The following OGFRL1 variants were observed in gnomAD, a reference collection of about 807,000 sequenced individuals.
The protein encoded by OGFRL1 is opioid growth factor receptor like 1.
A neutral mutation model predicts 32.4 loss-of-function variants in OGFRL1; 26 were observed. The ratio of observed to expected loss-of-function variants is 0.80; its 90% CI spans 0.59 to 1.11. The LOEUF is 1.11. OGFRL1 is among the 50% of genes most tolerant of loss of function. The pLI is 0.00. For missense variants in OGFRL1, 521 were observed against 546.4 expected, an observed-to-expected ratio of 0.95 and a Z score of 0.46; for synonymous variants, 211 against 201.2, an observed-to-expected ratio of 1.05 and a Z score of -0.41.
rs181850760 is a variant in OGFRL1, at chr6:71,304,627, T to A, written c.*2578T>A. 6.6e-6 allele frequency: 1 copy of A among 152,198 alleles called. No homozygotes were observed. The highest frequency in any genetic ancestry group is 6.5e-5 in the Admixed American group (1 of 15,284). The allele number at this position is 152,198 out of a possible 1,614,324, so 9.4% of individuals were successfully genotyped here. A position where few individuals can be genotyped will look rare whatever the true frequency, so the allele number is the denominator to read the frequency against. ...TAGAAATTGTATATTAGAGCCCTTA[T>A]GAGTAAAAACATTTCATTTAGCAAC... On this transcript the variant is annotated 3_prime_UTR_variant, in exon 7 of 7. Transcript: ENST00000370435.
rs1041493510 is a variant in OGFRL1, at chr6:71,305,087, T to C, written c.*3038T>C. ...TGAGAAGCTGTTATAAAAAATGCAGTGAAGCATGACCAAATAGCTAAAAAT... is the reference window on the plus strand; with the variant it reads ...TGAGAAGCTGTTATAAAAAATGCAGCGAAGCATGACCAAATAGCTAAAAAT... On this transcript the variant is annotated 3_prime_UTR_variant, in exon 7 of 7. Transcript: ENST00000370435. The C allele has an allele frequency of 1.3e-5, 2 of 152,082 alleles. No individual in the cohort carries two copies. Among genetic ancestry groups the C allele is most frequent in the Non-Finnish European group, 2.9e-5 (2 of 67,916 alleles). 9.4% of individuals were successfully genotyped at this position (152,082 alleles called of 1,614,324 possible). A position where few individuals can be genotyped will look rare whatever the true frequency, so the allele number is the denominator to read the frequency against.
At position 71,305,324 on chromosome 6, in the gene OGFRL1, T is replaced by G. The variant is rs545903018; in HGVS notation, c.*3275T>G. 2.0e-4 allele frequency: 31 copies of G among 152,168 alleles called. No individual in the cohort carries two copies. Among genetic ancestry groups the G allele is most frequent in the African/African-American group, 7.2e-4 (30 of 41,572 alleles). The allele number at this position is 152,168 out of a possible 1,614,324, so 9.4% of individuals were successfully genotyped here. A position where few individuals can be genotyped will look rare whatever the true frequency, so the allele number is the denominator to read the frequency against. On this transcript the variant is annotated 3_prime_UTR_variant, in exon 7 of 7. Coordinates refer to ENST00000370435, the MANE Select transcript of OGFRL1 (RefSeq NM_024576.5). ...TTTTTAAATACTGTAAAGTGACATA[T>G]AGTTATAAGATATATTTCTGTACAG...
At chr6:71,293,833 A>G (rs1318312084) in intron 3 of OGFRL1, among the ~76,000 whole-genome samples, 2 of 152,148 alleles carry the variant, frequency 1.3e-5, no homozygotes, top group African/African-American at 4.8e-5. Flanking sequence ...ACAGGAAGAG[A>G]GAGGAGATGT....
intron 1 of OGFRL1, chr6:71,289,548 T>TAAAAAAAAAAAAAAAA (rs1158690810): frequency 2.6e-5 from 14 of 541,854 alleles, no homozygotes; most frequent in Admixed American, 2.3e-4. Flanking sequence ...GTGTTATTGG[T>TAAAAAAAAAAAAAAAA]AAAAAAAAAA....
Position 71,302,361 on chromosome 6 carries a change from G to A in OGFRL1, c.*312G>A, listed in dbSNP as rs9364153. On this transcript the variant is annotated 3_prime_UTR_variant, in exon 7 of 7. Coordinates refer to ENST00000370435, the MANE Select transcript of OGFRL1 (RefSeq NM_024576.5). ...TCTAGAAATTACCATGTAGTATTTG[G>A]TATACAAAATACATTCTTTTGAGAC... is the stretch of plus-strand genomic sequence containing the variant. The A allele has an allele frequency of 0.14, 27,581 of 193,766 alleles. 2,603 individuals carry two copies. Among genetic ancestry groups the A allele is most frequent in the African/African-American group, 0.26 (11,068 of 43,088 alleles). The allele number at this position is 193,766 out of a possible 1,614,324, so 12.0% of individuals were successfully genotyped here.
In OGFRL1 at chr6:71,306,571, G is replaced by A. The variant is rs1002707310; in HGVS notation, c.*4522G>A. ...CATCATTGGGAACTTTCTAAACCAT[G>A]AATATCAGTTCTTTTAATGAAATTT... On this transcript the variant is annotated 3_prime_UTR_variant, in exon 7 of 7. Coordinates refer to ENST00000370435, the MANE Select transcript of OGFRL1 (RefSeq NM_024576.5). 6.6e-6 allele frequency: 1 copy of A among 152,128 alleles called. No homozygotes were observed. Among genetic ancestry groups the A allele is most frequent in the East Asian group, 1.9e-4 (1 of 5,188 alleles). 9.4% of individuals were successfully genotyped at this position (152,128 alleles called of 1,614,324 possible). A position where few individuals can be genotyped will look rare whatever the true frequency, so the allele number is the denominator to read the frequency against.
rs1051122846 is a variant in OGFRL1, at chr6:71,301,249, T to C, written c.693-137T>C. On this transcript the variant is annotated intron_variant, in intron 6 of 6. Transcript: ENST00000370435. ...CTGGTTTATTCTTAATGGTATCAAA[T>C]ATGGCATTAGGAAGTCATTACACAG... The C allele has an allele frequency of 7.0e-6, 5 of 713,934 alleles. No individual in the cohort carries two copies. In the Admixed American group the frequency reaches 1.0e-4, roughly 15 times the overall value. 44.2% of individuals were successfully genotyped at this position (713,934 alleles called of 1,614,324 possible).
Position 71,304,642 on chromosome 6 carries a change from C to A in OGFRL1, c.*2593C>A, listed in dbSNP as rs775182042. 6.6e-6 allele frequency: 1 copy of A among 152,010 alleles called. No individual in the cohort carries two copies. The highest frequency in any genetic ancestry group is 1.5e-5 in the Non-Finnish European group (1 of 67,918). The allele number at this position is 152,010 out of a possible 1,614,324, so 9.4% of individuals were successfully genotyped here. On this transcript the variant is annotated 3_prime_UTR_variant, in exon 7 of 7. Coordinates refer to ENST00000370435, the MANE Select transcript of OGFRL1 (RefSeq NM_024576.5). ...AGAGCCCTTATGAGTAAAAACATTT[C>A]ATTTAGCAACTTAACTTTTAGAATA...
At chr6:71,294,704 T>C (rs1049798124) in intron 3 of OGFRL1, among the ~76,000 whole-genome samples, 8 of 152,244 alleles carry the variant, frequency 5.3e-5, no homozygotes, top group African/African-American at 1.9e-4. Context: ...TGCACAGTTA[T>C]ATTTACTAAT....
chr6:71,301,481 T>G lies in OGFRL1; in HGVS notation c.788T>G (p.Leu263Arg). The change falls in exon 7 of 7, where the codon CTT (leucine) becomes CGT (arginine). Residue 263 changes from leucine to arginine, a missense_variant. Coordinates refer to ENST00000370435, the MANE Select transcript of OGFRL1 (RefSeq NM_024576.5). The part of the protein sequence containing the change: ...SFKSPLVKFI[L>R]HEALVENTIP... ...AAATCTCCTCTTGTAAAATTTATTC[T>G]TCATGAAGCTCTTGTGGAGAATACT... 1.2e-6 allele frequency: 2 copies of G among 1,613,232 alleles called. No individual in the cohort carries two copies. The highest frequency in any genetic ancestry group is 1.7e-6 in the Non-Finnish European group (2 of 1,179,788).
rs377102275 is a variant in OGFRL1, at chr6:71,308,699, G to A, written c.*6650G>A. On this transcript the variant is annotated 3_prime_UTR_variant, in exon 7 of 7. Transcript: ENST00000370435. ...ATACTTATTTTATAATTCTGTAACC[G>A]TATGGCAGTGTTATGCCAAAAATGT... 50 of 152,252 alleles carry A rather than the reference G, an allele frequency of 3.3e-4. 1 individual carries two copies. In the East Asian group the frequency reaches 5.6e-3, roughly 17 times the overall value. 9.4% of individuals were successfully genotyped at this position (152,252 alleles called of 1,614,324 possible). A position where few individuals can be genotyped will look rare whatever the true frequency, so the allele number is the denominator to read the frequency against.
At chr6:71,290,024 G>A (rs1561945149) in intron 1 of OGFRL1, among the ~76,000 whole-genome samples, 1 of 152,134 alleles carries the variant, frequency 6.6e-6, no homozygotes, top group East Asian at 1.9e-4. Flanking sequence ...ACAGGGTTTT[G>A]GGGGAATCAT....
rs1304694132 is a variant in OGFRL1 at position 71,305,660 on chromosome 6, T to C, written c.*3611T>C. ...AATGCCATAATGCCTGTCATAGTCA[T>C]TGTTTCATATTTTGTCATATAAAAT... On this transcript the variant is annotated 3_prime_UTR_variant, in exon 7 of 7. Transcript: ENST00000370435. 6.6e-6 allele frequency: 1 copy of C among 152,108 alleles called. No individual in the cohort carries two copies. Among genetic ancestry groups the C allele is most frequent in the East Asian group, 1.9e-4 (1 of 5,196 alleles). The allele number at this position is 152,108 out of a possible 1,614,324, so 9.4% of individuals were successfully genotyped here.
intron 6 of OGFRL1, among the ~76,000 whole-genome samples, chr6:71,299,324 C>T (rs1056174409): frequency 2.0e-5 from 3 of 152,148 alleles, no homozygotes; most frequent in Admixed American, 6.6e-5. Context: ...CTCTTCTATA[C>T]CATTTAGTCT....
chr6:71,307,016 T>C lies in OGFRL1; in HGVS notation c.*4967T>C, dbSNP rs1298273908. Reference sequence around the variant, plus strand: ...TTCCTAGACTACAGAGAGTGTTCTTTGTCATTTTTTTTCCTATTCTGTTGT... The same window carrying C: ...TTCCTAGACTACAGAGAGTGTTCTTCGTCATTTTTTTTCCTATTCTGTTGT... On this transcript the variant is annotated 3_prime_UTR_variant, in exon 7 of 7. Transcript: ENST00000370435. The C allele has an allele frequency of 6.6e-6, 1 of 152,228 alleles. No individual in the cohort carries two copies. Among genetic ancestry groups the C allele is most frequent in the East Asian group, 1.9e-4 (1 of 5,204 alleles). The allele number at this position is 152,228 out of a possible 1,614,324, so 9.4% of individuals were successfully genotyped here.
Position 71,308,400 on chromosome 6 carries a change from G to A in OGFRL1, c.*6351G>A, listed in dbSNP as rs1766619070. On this transcript the variant is annotated 3_prime_UTR_variant, in exon 7 of 7. Coordinates refer to ENST00000370435, the MANE Select transcript of OGFRL1 (RefSeq NM_024576.5). ...TATGTAAGGTAATCTTTCTTTTTTA[G>A]TATTATCTAAGAAGGATGGTAGATT... 2.7e-5 allele frequency: 4 copies of A among 150,118 alleles called. No homozygotes were observed. Among genetic ancestry groups the A allele is most frequent in the Admixed American group, 2.6e-4 (4 of 15,162 alleles). 9.3% of individuals were successfully genotyped at this position (150,118 alleles called of 1,614,324 possible). A position where few individuals can be genotyped will look rare whatever the true frequency, so the allele number is the denominator to read the frequency against.
intron 2 of OGFRL1, 43 bp downstream of exon 2, chr6:71,293,422 C>A: frequency 2.5e-6 from 4 of 1,594,468 alleles, no homozygotes; most frequent in Non-Finnish European, 3.4e-6. Context: ...AAACTATTTT[C>A]CTTCTGTTTT....
In OGFRL1 at chr6:71,304,941, A is replaced by G. The variant is rs550008523; in HGVS notation, c.*2892A>G. 1.3e-5 allele frequency: 2 copies of G among 152,150 alleles called. No individual in the cohort carries two copies. Among genetic ancestry groups the G allele is most frequent in the South Asian group, 2.1e-4 (1 of 4,826 alleles). 9.4% of individuals were successfully genotyped at this position (152,150 alleles called of 1,614,324 possible). On this transcript the variant is annotated 3_prime_UTR_variant, in exon 7 of 7. Transcript: ENST00000370435. ...TTTTTCTATTAATGCTTTGTATATT[A>G]GTTTTTTAAATAAGATCTATAGATA...
At position 71,301,880 on chromosome 6, in the gene OGFRL1, A is replaced by G. The variant is rs1470568372; in HGVS notation, c.1187A>G (p.Lys396Arg). The G allele has an allele frequency of 4.4e-6, 7 of 1,606,950 alleles. No individual in the cohort carries two copies. The South Asian group carries it at 7.7e-5, about 18-fold the overall frequency. Residue 396 changes from lysine to arginine, a missense_variant, in exon 7 of 7, where the codon AAG becomes AGG. Transcript: ENST00000370435. ...GCTGCCAAGCCAAGAAATACAGAGA[A>G]GGACAGTAATGCTGAGAACATGAAT... The part of the protein sequence containing the change: ...NEAAKPRNTE[K>R]DSNAENMNSQ...
Sources: gnomAD v4.1 joint callset for allele counts (sites outside exome capture counted in the v4.1 genomes callset) on GRCh38, gnomAD v4.1.1 for gene constraint, MANE v1.5 for transcripts, NCBI Gene and HGNC (gene_info 2026-07-23, HGNC 2026-07-21) for gene names.